The following PCDHA9 variants were observed in gnomAD, a reference collection of about 807,000 sequenced individuals.
The protein encoded by PCDHA9 is protocadherin alpha-9.
A neutral mutation model predicts 62.0 loss-of-function variants in PCDHA9; 62 were observed. That is an observed-to-expected ratio of 1.00 (90% CI 0.81 to 1.23). The LOEUF is 1.23. Among genes scored for constraint, PCDHA9 ranks in the 50% most tolerant of loss-of-function variants. The probability of loss-of-function intolerance (pLI) is 0.00; values close to 1 mark genes in which losing one functional copy is unlikely to be tolerated. For missense variants in PCDHA9, 1,205 were observed against 1,249.8 expected, an observed-to-expected ratio of 0.96 and a Z score of 0.54; for synonymous variants, 557 against 567.6, an observed-to-expected ratio of 0.98 and a Z score of 0.27.
intron 1 of PCDHA9, chr5:140,858,137 TACCTGATCATCGCC>T: frequency 1.9e-6 from 3 of 1,597,500 alleles, no homozygotes; most frequent in Non-Finnish European, 2.6e-6. Context: ...TGTCAACGTG[TACCTGATCATCGCC>T]ATCTGCGCGG....
At position 140,926,291 on chromosome 5, in the gene PCDHA9, G is replaced by A. The variant is rs545188065; in HGVS notation, c.2395-52658G>A. 3.9e-5 allele frequency: 6 copies of A among 152,438 alleles called. No individual in the cohort carries two copies. The South Asian group carries it at 1.0e-3, about 26-fold the overall frequency. 9.4% of individuals were successfully genotyped at this position (152,438 alleles called of 1,614,324 possible). A position where few individuals can be genotyped will look rare whatever the true frequency, so the allele number is the denominator to read the frequency against. ...CCTCCGCTCGGCAGCTCCACGCTGA[G>A]TCCCGCCCTCTCCGCCGGAGAGGTG... On this transcript the variant is annotated intron_variant, in intron 1 of 3. Transcript: ENST00000532602.
intron 1 of PCDHA9, chr5:140,967,872 A>G: frequency 1.2e-6 from 2 of 1,614,034 alleles, no homozygotes; most frequent in Non-Finnish European, 1.7e-6. Context: ...GTGCTCACGG[A>G]CCTGTATAGC....
In PCDHA9 at chr5:140,924,908, AAAT is replaced by A. The variant is rs1554202345; in HGVS notation, c.2395-54038_2395-54036del. ...AGAACCTGTCTCAAAAAAAAAAATA[AAAT>A]AAAATAAAATAAAATAAAATAAAAT... On this transcript the variant is annotated intron_variant, in intron 1 of 3. Coordinates refer to ENST00000532602, the MANE Select transcript of PCDHA9 (RefSeq NM_031857.2). Among the ~76,000 whole-genome samples the A allele has an allele frequency of 9.0e-4, 53 of 58,926 alleles. 1 individual carries two copies. The highest frequency in any genetic ancestry group is 2.8e-3 in the African/African-American group (51 of 18,360). The allele number at this position is 58,926 out of a possible 152,430, so 38.7% of individuals were successfully genotyped here. A position where few individuals can be genotyped will look rare whatever the true frequency, so the allele number is the denominator to read the frequency against.
chr5:140,856,591 T>G (rs1554148896), intron 1 of PCDHA9: 1 of 1,597,268 alleles, frequency 6.3e-7, no homozygotes, highest in African/African-American at 1.3e-5. Flanking sequence ...TTCTTGATAT[T>G]ATAAACAAAA....
chr5:140,904,335 C>T (rs142753502), intron 1 of PCDHA9, among the ~76,000 whole-genome samples: 2,168 of 152,034 alleles, frequency 0.014, 62 homozygotes, highest in African/African-American at 0.05. Flanking sequence ...TCTCCAGTTC[C>T]ATCCAGGTTG....
At chr5:140,870,534 G>T (rs547039725) in intron 1 of PCDHA9, 12 of 1,614,150 alleles carry the variant, frequency 7.4e-6, no homozygotes, top group Non-Finnish European at 1.0e-5. Context: ...TCACAGTGTC[G>T]GCGCGGGACG....
intron 3 of PCDHA9, among the ~76,000 whole-genome samples, chr5:140,993,250 T>G (rs1554253518): frequency 6.6e-6 from 1 of 152,154 alleles, no homozygotes; most frequent in East Asian, 1.9e-4. Context: ...GGGATTTAGA[T>G]ATATAAATTA....
intron 1 of PCDHA9, among the ~76,000 whole-genome samples, chr5:140,912,103 G>A (rs1431283462): frequency 6.6e-6 from 1 of 152,212 alleles, no homozygotes; most frequent in Non-Finnish European, 1.5e-5. Context: ...GGAGAAAGAT[G>A]TAGGCTGGGA....
At chr5:140,857,365 C>A (rs251362) in intron 1 of PCDHA9, 1 of 1,597,496 alleles carries the variant, frequency 6.3e-7, no homozygotes, top group South Asian at 1.1e-5. Context: ...CCACGGCCAG[C>A]GTGTCTGTGG....
At chr5:140,858,653 TTTTAAATAACAATTTATTCTGAATACAC>T in intron 1 of PCDHA9, 1 of 816,482 alleles carries the variant, frequency 1.2e-6, no homozygotes, top group Non-Finnish European at 1.9e-6. Flanking sequence ...ACTTAAATTT[TTTTAAATAACAATTTATTCTGAATACAC>T]TAATATTTTC....
intron 1 of PCDHA9, chr5:140,865,673 C>A (rs1438550706): frequency 6.6e-6 from 1 of 152,132 alleles, no homozygotes; most frequent in Non-Finnish European, 1.5e-5. Flanking sequence ...ATAACAATTT[C>A]TAAAGTACAT....
intron 3 of PCDHA9, among the ~76,000 whole-genome samples, chr5:140,998,018 G>A (rs575495303): frequency 2.0e-5 from 3 of 152,170 alleles, no homozygotes; most frequent in Admixed American, 6.5e-5. Flanking sequence ...TCCCCACCTC[G>A]AGCTAGTGCT....
At chr5:140,914,445 T>C (rs782813943) in intron 1 of PCDHA9, among the ~76,000 whole-genome samples, 1 of 152,200 alleles carries the variant, frequency 6.6e-6, no homozygotes, top group South Asian at 2.1e-4. Flanking sequence ...CCCATGTCTT[T>C]ATTTTCCAGT....
chr5:140,928,539 T>G, intron 1 of PCDHA9: 1 of 1,614,222 alleles, frequency 6.2e-7, no homozygotes. Context: ...TAGATAGGAA[T>G]GACAATTATC....
chr5:140,870,167 C>G, intron 1 of PCDHA9: 1 of 1,614,134 alleles, frequency 6.2e-7, no homozygotes, highest in Non-Finnish European at 8.5e-7. Flanking sequence ...ACTTCCTTGT[C>G]CCTCCCAGTA....
At chr5:140,982,237 G>T (rs2096973071) in intron 2 of PCDHA9, 1 of 665,404 alleles carries the variant, frequency 1.5e-6, no homozygotes, top group East Asian at 3.5e-5. Context: ...AAACAGAATT[G>T]CCATAAAGAT....
intron 1 of PCDHA9, chr5:140,854,286 T>C: frequency 3.8e-6 from 2 of 522,000 alleles, no homozygotes; most frequent in Non-Finnish European, 4.9e-6. Context: ...AGTTTAGTTT[T>C]TATTATTTTG....
chr5:140,881,909 G>A (rs941994896), intron 1 of PCDHA9: 2 of 230,500 alleles, frequency 8.7e-6, no homozygotes, highest in Non-Finnish European at 1.7e-5. Context: ...AATATAAAAT[G>A]TTGAGCAGAA....
At chr5:140,867,314 G>A (rs2049881742) in intron 1 of PCDHA9, 1 of 151,958 alleles carries the variant, frequency 6.6e-6, no homozygotes, top group Admixed American at 6.6e-5. Flanking sequence ...ACTGTCATCT[G>A]GTCTAATGTT....
Sources: allele counts gnomAD v4.1 joint callset (sites outside exome capture counted in the v4.1 genomes callset), GRCh38; gene constraint gnomAD v4.1.1; transcripts MANE v1.5; gene names NCBI Gene and HGNC (gene_info 2026-07-23, HGNC 2026-07-21).